The following DPP10 variants were observed in gnomAD, a reference collection of about 807,000 sequenced individuals.
The protein encoded by DPP10 is inactive dipeptidyl peptidase 10.
In DPP10, 33 loss-of-function variants were observed where a neutral mutation model predicts 120.9. That is an observed-to-expected ratio of 0.27 (90% CI 0.21 to 0.37). The LOEUF is 0.37. Ranked by LOEUF, DPP10 falls within the 10% of genes least tolerant of loss-of-function variation. The pLI, the probability that DPP10 is intolerant of heterozygous loss-of-function variation, is 1.00. For missense variants in DPP10, 816 were observed against 942.8 expected (o/e 0.87, Z 1.76); for synonymous variants, 337 against 326.1 (o/e 1.03, Z -0.36).
intron 25 of DPP10, among the ~76,000 whole-genome samples, chr2:115,841,499 C>A (rs1421569932): frequency 6.6e-6 from 1 of 152,036 alleles, no homozygotes; most frequent in Non-Finnish European, 1.5e-5. Context: ...TTCAGAAGAA[C>A]CAAAAGTTGC....
intron 5 of DPP10, among the ~76,000 whole-genome samples, chr2:115,534,030 T>C (rs575226022): frequency 3.9e-5 from 6 of 152,174 alleles, no homozygotes; most frequent in African/African-American, 1.4e-4. Context: ...ATTTACAACA[T>C]TTTTTGGTGA....
intron 1 of DPP10, among the ~76,000 whole-genome samples, chr2:114,915,586 G>A (rs1694746198): frequency 6.6e-6 from 1 of 152,110 alleles, no homozygotes; most frequent in Non-Finnish European, 1.5e-5. Flanking sequence ...TCAATCATAT[G>A]CTTGGCTATA....
rs59528964 is a variant in DPP10 at position 115,319,056 on chromosome 2, T to C, written c.175+9703T>C. On this transcript the variant is annotated intron_variant, in intron 2 of 25. Coordinates refer to ENST00000410059, the MANE Select transcript of DPP10 (RefSeq NM_020868.6). ...TCTTAGCTTGTTTAGATAAAGATTC[T>C]TTACATTGTTGAGGGAGATTCTTTT... 2.3e-3 allele frequency among the ~76,000 whole-genome samples: 348 copies of C among 152,292 alleles called. 2 individuals carry two copies. Among genetic ancestry groups the C allele is most frequent in the African/African-American group, 8.2e-3 (339 of 41,586 alleles).
intron 1 of DPP10, among the ~76,000 whole-genome samples, chr2:114,678,906 C>T (rs767968863): frequency 7.2e-5 from 11 of 152,036 alleles, no homozygotes; most frequent in Non-Finnish European, 1.6e-4. Context: ...GAATTCCTTA[C>T]ATTTTCATTT....
At chr2:114,785,866 A>G (rs545031209) in intron 1 of DPP10, among the ~76,000 whole-genome samples, 20 of 152,234 alleles carry the variant, frequency 1.3e-4, no homozygotes, top group African/African-American at 3.6e-4. Context: ...TAAATAAACA[A>G]CTAAGAGGAG....
chr2:115,768,902 T>C (rs1458300570), intron 13 of DPP10, among the ~76,000 whole-genome samples: 2 of 151,870 alleles, frequency 1.3e-5, no homozygotes, highest in African/African-American at 4.8e-5. Context: ...ATAGATGTTT[T>C]ATGTTAAATA....
At chr2:115,626,903 C>G (rs1319233058) in intron 5 of DPP10, among the ~76,000 whole-genome samples, 1 of 152,106 alleles carries the variant, frequency 6.6e-6, no homozygotes, top group Non-Finnish European at 1.5e-5. Context: ...ATACCACTCA[C>G]TAAACACACA....
At chr2:114,445,709 T>C (rs554840678) in intron 1 of DPP10, among the ~76,000 whole-genome samples, 54 of 152,192 alleles carry the variant, frequency 3.5e-4, no homozygotes, top group African/African-American at 1.2e-3. Context: ...GGAGAAGTTA[T>C]AATGGAACAA....
intron 1 of DPP10, among the ~76,000 whole-genome samples, chr2:115,265,226 G>A (rs998702993): frequency 6.7e-6 from 1 of 149,692 alleles, no homozygotes; most frequent in Admixed American, 6.7e-5. Flanking sequence ...TGTACACATC[G>A]ATGTTCCCAA....
chr2:115,170,676 T>A (rs903667607), intron 1 of DPP10, among the ~76,000 whole-genome samples: 54 of 152,164 alleles, frequency 3.5e-4, no homozygotes, highest in Non-Finnish European at 5.9e-5. Context: ...AAACCCAACA[T>A]CTTCATCAGG....
intron 7 of DPP10, among the ~76,000 whole-genome samples, chr2:115,698,684 G>A (rs2091724394): frequency 6.6e-6 from 1 of 152,120 alleles, no homozygotes; most frequent in East Asian, 1.9e-4. Flanking sequence ...CAGTAGGAGA[G>A]CTCTTACCAA....
chr2:114,666,311 T>G (rs79387769), intron 1 of DPP10, among the ~76,000 whole-genome samples: 15,944 of 152,202 alleles, frequency 0.1, 1,063 homozygotes, highest in Admixed American at 0.2. Context: ...GTAGGAAAAT[T>G]TAAACACATT....
chr2:114,594,493 CAT>C (rs944015978), intron 1 of DPP10, among the ~76,000 whole-genome samples: 6 of 146,332 alleles, frequency 4.1e-5, no homozygotes, highest in African/African-American at 1.2e-4. Flanking sequence ...ATTATATATA[CAT>C]ATATATTATA....
At chr2:115,550,457 G>A (rs990795929) in intron 5 of DPP10, among the ~76,000 whole-genome samples, 2 of 152,050 alleles carry the variant, frequency 1.3e-5, no homozygotes, top group Non-Finnish European at 2.9e-5. Flanking sequence ...TCAAAACCAT[G>A]TTCATGGGAA....
At chr2:115,808,508 C>A (rs945030087) in intron 19 of DPP10, among the ~76,000 whole-genome samples, 1 of 152,178 alleles carries the variant, frequency 6.6e-6, no homozygotes, top group Admixed American at 6.5e-5. Flanking sequence ...GGACCAGGCA[C>A]TTTACGCAGC....
chr2:114,905,320 G>A (rs1430073199), intron 1 of DPP10, among the ~76,000 whole-genome samples: 2 of 152,000 alleles, frequency 1.3e-5, no homozygotes, highest in Non-Finnish European at 2.9e-5. Context: ...GTTAGTATAA[G>A]TTGCTTTTCT....
intron 1 of DPP10, among the ~76,000 whole-genome samples, chr2:115,206,133 T>C (rs1458644653): frequency 1.3e-5 from 2 of 152,280 alleles, no homozygotes; most frequent in East Asian, 3.9e-4. Flanking sequence ...ATATACATGG[T>C]ATGTATATAT....
chr2:114,852,398 T>A (rs1012650022), intron 1 of DPP10, among the ~76,000 whole-genome samples: 2 of 152,040 alleles, frequency 1.3e-5, no homozygotes, highest in South Asian at 2.1e-4. Flanking sequence ...AATATTTTTT[T>A]AAAAAATGGA....
At chr2:114,694,261 G>A (rs1483040797) in intron 1 of DPP10, among the ~76,000 whole-genome samples, 1 of 151,802 alleles carries the variant, frequency 6.6e-6, no homozygotes, top group African/African-American at 2.4e-5. Context: ...CAAGCATATG[G>A]TAAGACCTTA....
Sources: allele counts gnomAD v4.1 joint callset (sites outside exome capture counted in the v4.1 genomes callset), GRCh38; gene constraint gnomAD v4.1.1; transcripts MANE v1.5; gene names NCBI Gene and HGNC (gene_info 2026-07-23, HGNC 2026-07-21).